USH1C: variants seen among roughly 807,000 people sequenced by gnomAD.
USH1C encodes USH1 protein network component harmonin.
A neutral mutation model predicts 119.3 loss-of-function variants in USH1C; 90 were observed. The observed-to-expected ratio is 0.75, with a 90% CI of 0.64 to 0.90. USH1C has a LOEUF of 0.90. Ranked by LOEUF, USH1C falls within the 40% of genes least tolerant of loss-of-function variation. The pLI, the probability that USH1C is intolerant of heterozygous loss-of-function variation, is 0.00. For missense variants in USH1C, 1,165 were observed against 1,167.7 expected, an observed-to-expected ratio of 1.00 and a Z score of 0.03; for synonymous variants, 465 against 443.3, an observed-to-expected ratio of 1.05 and a Z score of -0.62.
In USH1C at chr11:17,495,607, C is replaced by T. The variant is rs201533059; in HGVS notation, c.2617G>A (p.Val873Met). The T allele has an allele frequency of 8.5e-5, 137 of 1,614,212 alleles. No individual in the cohort carries two copies. The highest frequency in any genetic ancestry group is 6.2e-4 in the Admixed American group (37 of 60,034). ...VRKLLEDRAAVHRHGFLLQLE... is the reference protein window; with the variant it reads ...VRKLLEDRAAMHRHGFLLQLE... ...TGCAGGAGGAACCCGTGTCTGTGCA[C>T]GGCAGCACGGTCTTCAAGGAGCTTT... The change falls in exon 26 of 27, where the codon GTG becomes ATG. Residue 873 changes from valine (V) to methionine (M), a missense_variant. By Grantham distance (21) the Val-to-Met change is conservative. Coordinates refer to ENST00000005226, the MANE Select transcript of USH1C (RefSeq NM_153676.4).
chr11:17,527,311 C>A lies in USH1C; in HGVS notation c.408G>T (p.Arg136=), dbSNP rs200335331. The A allele has an allele frequency of 6.2e-7, 1 of 1,612,860 alleles. No individual in the cohort carries two copies. Among genetic ancestry groups the A allele is most frequent in the Non-Finnish European group, 8.5e-7 (1 of 1,179,912 alleles). The change falls in exon 5 of 27, where the codon CGG becomes CGT. Residue 136 remains arginine (R), a synonymous_variant. Coordinates refer to ENST00000005226, the MANE Select transcript of USH1C (RefSeq NM_153676.4). ...VGLQVGDEIV[R]INGYSISSCT... ...AGGAGGAGATGGAATATCCATTGAT[C>A]CGGACGATCTCGTCCCCTACCTTGA...
At position 17,529,273 on chromosome 11, in the gene USH1C, A is replaced by C. The variant is rs142240915; in HGVS notation, c.387+1881T>G. On this transcript the variant is annotated intron_variant, in intron 4 of 26. Transcript: ENST00000005226. ...CTGCCCTGTGCAAGGCAGAGGATGT[A>C]GGTTAAGTTAGGATATTCTTGGGGA... 1.1e-4 allele frequency among the ~76,000 whole-genome samples: 17 copies of C among 152,340 alleles called. No homozygotes were observed. The East Asian group carries it at 3.1e-3, about 28-fold the overall frequency.
At chr11:17,511,768 G>C in intron 16 of USH1C, 134 bp downstream of exon 16, 2 of 1,043,918 alleles carry the variant, frequency 1.9e-6, no homozygotes, top group Non-Finnish European at 2.8e-6. Context: ...CCAGGCTGGG[G>C]AGCAGGAAAG....
chr11:17,508,339 T>A (rs960117200), intron 18 of USH1C, among the ~76,000 whole-genome samples: 2 of 152,188 alleles, frequency 1.3e-5, no homozygotes, highest in Non-Finnish European at 2.9e-5. Context: ...GGCACTTTCT[T>A]CACTCCCACC....
At chr11:17,529,965 T>C (rs1309402368) in intron 4 of USH1C, among the ~76,000 whole-genome samples, 1 of 152,178 alleles carries the variant, frequency 6.6e-6, no homozygotes, top group African/African-American at 2.4e-5. Flanking sequence ...TCATTATGTG[T>C]TTTCTCTGGC....
In USH1C at chr11:17,495,551, G is replaced by A. The variant is rs1345327040; in HGVS notation, c.2655+18C>T. ...CAGCAGGGACACACAGGGCCCTGTG[G>A]CCCGCCTGCCTATTCACCGTGGGCT... On this transcript the variant is annotated intron_variant, in intron 26 of 26. Coordinates refer to ENST00000005226, the MANE Select transcript of USH1C (RefSeq NM_153676.4). 5 of 1,612,224 alleles carry A rather than the reference G, an allele frequency of 3.1e-6. No individual in the cohort carries two copies. The highest frequency in any genetic ancestry group is 1.1e-5 in the South Asian group (1 of 91,024).
At chr11:17,500,921 G>A in intron 23 of USH1C, 130 bp downstream of exon 23, 2 of 773,734 alleles carry the variant, frequency 2.6e-6, no homozygotes, top group South Asian at 1.5e-5. Context: ...TCGGATGGAT[G>A]GACCCGAGTG....
chr11:17,544,361 G>A lies in USH1C; in HGVS notation c.-54C>T. On this transcript the variant is annotated 5_prime_UTR_variant, in exon 1 of 27. Coordinates refer to ENST00000005226, the MANE Select transcript of USH1C (RefSeq NM_153676.4). ...CACGACCCGTTCCTTCGGGTGCCCG[G>A]CTGCCAGGAGCTGGAAAGAGCCGCG... 1 of 1,612,482 alleles carries A rather than the reference G, an allele frequency of 6.2e-7. No individual in the cohort carries two copies. The highest frequency in any genetic ancestry group is 8.5e-7 in the Non-Finnish European group (1 of 1,179,330).
Position 17,530,519 on chromosome 11 carries a change from G to A in USH1C, c.387+635C>T, listed in dbSNP as rs115724050. ...GCATGTGACCTGGCACATTCCAGGCGTTTCTTAAATCTCCCTCTCTCTGTT... is the reference window on the plus strand; with the variant it reads ...GCATGTGACCTGGCACATTCCAGGCATTTCTTAAATCTCCCTCTCTCTGTT... On this transcript the variant is annotated intron_variant, in intron 4 of 26. Coordinates refer to ENST00000005226, the MANE Select transcript of USH1C (RefSeq NM_153676.4). 1.6e-3 allele frequency among the ~76,000 whole-genome samples: 250 copies of A among 152,330 alleles called. 2 individuals carry two copies. Among genetic ancestry groups the A allele is most frequent in the African/African-American group, 5.6e-3 (231 of 41,574 alleles).
chr11:17,535,685 G>A (rs1319084861), intron 1 of USH1C, among the ~76,000 whole-genome samples: 1 of 152,150 alleles, frequency 6.6e-6, no homozygotes. Flanking sequence ...GTAACCATGG[G>A]AACAGAAGGG....
chr11:17,528,407 C>T (rs1307533731), intron 4 of USH1C, among the ~76,000 whole-genome samples: 1 of 152,204 alleles, frequency 6.6e-6, no homozygotes, highest in Non-Finnish European at 1.5e-5. Context: ...GAGGAACTCT[C>T]AGATAACAGC....
chr11:17,530,457 C>T (rs143834674), intron 4 of USH1C, among the ~76,000 whole-genome samples: 54 of 152,336 alleles, frequency 3.5e-4, no homozygotes, highest in East Asian at 1.5e-3. Context: ...AAAATGGGCA[C>T]GATCCGTTCA....
chr11:17,527,461 G>A (rs1850756667), intron 4 of USH1C, 130 bp from the exon 5 acceptor site: 4 of 774,024 alleles, frequency 5.2e-6, no homozygotes, highest in Non-Finnish European at 8.8e-6. Flanking sequence ...CCTGGAATAA[G>A]CCTTGATCTC....
At chr11:17,532,936 A>C (rs1019655740) in intron 2 of USH1C, among the ~76,000 whole-genome samples, 1 of 152,206 alleles carries the variant, frequency 6.6e-6, no homozygotes, top group Non-Finnish European at 1.5e-5. Context: ...GCCAGCTGGC[A>C]TTTCTTGTTC....
chr11:17,536,935 C>T (rs1209452337), intron 1 of USH1C, among the ~76,000 whole-genome samples: 1 of 152,212 alleles, frequency 6.6e-6, no homozygotes, highest in Non-Finnish European at 1.5e-5. Flanking sequence ...ACTGGTTACA[C>T]AGGAGATCCT....
intron 1 of USH1C, among the ~76,000 whole-genome samples, chr11:17,535,880 G>A (rs1422927869): frequency 6.6e-6 from 1 of 152,166 alleles, no homozygotes; most frequent in Non-Finnish European, 1.5e-5. Flanking sequence ...GCAGAGCTAG[G>A]ATATGAACCT....
In USH1C at chr11:17,524,433, C is replaced by A. The variant is rs768245435; in HGVS notation, c.759+18G>T. On this transcript the variant is annotated intron_variant, in intron 9 of 26. Transcript: ENST00000005226. Reference sequence around the variant, plus strand: ...ATTTCCAGTGGGCCCCCACTGGGGCCGGCCCAGCGTCACTCACCTCCAATC... The same window carrying A: ...ATTTCCAGTGGGCCCCCACTGGGGCAGGCCCAGCGTCACTCACCTCCAATC... The A allele has an allele frequency of 1.9e-5, 29 of 1,562,340 alleles. No homozygotes were observed. Among genetic ancestry groups the A allele is most frequent in the Non-Finnish European group, 2.5e-5 (29 of 1,152,202 alleles).
intron 20 of USH1C, among the ~76,000 whole-genome samples, chr11:17,504,220 G>A (rs1000430837): frequency 1.3e-5 from 2 of 152,178 alleles, no homozygotes; most frequent in South Asian, 4.1e-4. Context: ...TTCAGTGTCA[G>A]GCAGGGTTGG....
intron 1 of USH1C, among the ~76,000 whole-genome samples, chr11:17,539,827 CTTTT>C (rs1367402459): frequency 7.4e-6 from 1 of 135,524 alleles, no homozygotes; most frequent in Non-Finnish European, 1.5e-5. Context: ...CTGTTTCTTT[CTTTT>C]TCTTTTTTTT....
Sources: gnomAD v4.1 joint callset for allele counts (sites outside exome capture counted in the v4.1 genomes callset) on GRCh38, gnomAD v4.1.1 for gene constraint, MANE v1.5 for transcripts, NCBI Gene and HGNC (gene_info 2026-07-23, HGNC 2026-07-21) for gene names.